GTF2IRD2B: variants seen among roughly 807,000 people sequenced by gnomAD.
GTF2IRD2B encodes the protein general transcription factor II-I repeat domain-containing protein 2B.
A neutral mutation model predicts 55.6 loss-of-function variants in GTF2IRD2B; 10 were observed. That is an observed-to-expected ratio of 0.18 (90% CI 0.11 to 0.31). GTF2IRD2B has a LOEUF of 0.31. Ranked by LOEUF, GTF2IRD2B falls within the 10% of genes least tolerant of loss-of-function variation. The probability of loss-of-function intolerance (pLI) is 1.00; values close to 1 mark genes in which losing one functional copy is unlikely to be tolerated. For synonymous variants in GTF2IRD2B, 107 were observed against 320.5 expected (o/e 0.33, Z 7.12); for missense variants, 206 against 802.7 (o/e 0.26, Z 8.98).
At chr7:75,119,190 T>G (rs1554451660) in intron 3 of GTF2IRD2B, among the ~76,000 whole-genome samples, 1 of 8,810 alleles carries the variant, frequency 1.1e-4, no homozygotes, top group Admixed American at 3.2e-3. Context: ...TAAGACTCTC[T>G]CAAAAAAAAA....
intron 3 of GTF2IRD2B, among the ~76,000 whole-genome samples, chr7:75,114,408 T>G (rs587745115): frequency 2.6e-5 from 4 of 151,292 alleles, no homozygotes; most frequent in Non-Finnish European, 5.9e-5. Context: ...TGTTCTGAAA[T>G]TGGTGTGATA....
At chr7:75,099,750 A>AAATAAATC (rs1807475590) in intron 1 of GTF2IRD2B, among the ~76,000 whole-genome samples, 1 of 138,156 alleles carries the variant, frequency 7.2e-6, no homozygotes, top group South Asian at 2.3e-4. Context: ...ATAAATAAAT[A>AAATAAATC]AATAAATAAA....
intron 8 of GTF2IRD2B, 97 bp downstream of exon 8, chr7:75,126,482 C>G (rs2115791439): frequency 1.7e-6 from 1 of 589,766 alleles, no homozygotes; most frequent in Middle Eastern, 5.2e-4. Flanking sequence ...AGGCGGATCA[C>G]TTGAGGTCAG....
Position 75,101,948 on chromosome 7 carries a change from G to C in GTF2IRD2B, c.-5-7012G>C, listed in dbSNP as rs1345960644. Among the ~76,000 whole-genome samples the C allele has an allele frequency of 3.9e-4, 59 of 150,790 alleles. 1 individual carries two copies. Among genetic ancestry groups the C allele is most frequent in the Non-Finnish European group, 7.7e-4 (52 of 67,672 alleles). The stretch of plus-strand genomic sequence containing the variant: ...AAAAAATAAAGTGTACTGTTCAGTG[G>C]TTTCTTGAAATATATTCACAGAGTT... On this transcript the variant is annotated intron_variant, in intron 1 of 15. Transcript: ENST00000472837.
intron 15 of GTF2IRD2B, chr7:75,146,710 A>G (rs1232549910): frequency 9.8e-6 from 1 of 101,576 alleles, no homozygotes; most frequent in Non-Finnish European, 2.0e-5. Flanking sequence ...AAATGCAAAC[A>G]TATTATCAAA....
intron 1 of GTF2IRD2B, among the ~76,000 whole-genome samples, chr7:75,105,215 A>C (rs1420917062): frequency 1.6e-4 from 24 of 152,282 alleles, no homozygotes; most frequent in East Asian, 1.9e-4. Context: ...ACAAAAAAAA[A>C]ACAACAGACC....
chr7:75,114,321 A>AT (rs1379078199), intron 3 of GTF2IRD2B, among the ~76,000 whole-genome samples: 7 of 151,588 alleles, frequency 4.6e-5, no homozygotes, highest in Admixed American at 3.3e-4. Context: ...TTACTTGTAG[A>AT]TTTTTTTAAG....
intron 9 of GTF2IRD2B, among the ~76,000 whole-genome samples, chr7:75,133,592 G>A (rs1808734750): frequency 6.7e-6 from 1 of 148,386 alleles, no homozygotes; most frequent in South Asian, 2.1e-4. Context: ...GCCCAAGCTG[G>A]AGTTCAGTGG....
intron 8 of GTF2IRD2B, among the ~76,000 whole-genome samples, chr7:75,130,480 A>AT (rs1284639887): frequency 2.1e-5 from 3 of 142,032 alleles, no homozygotes; most frequent in Admixed American, 7.0e-5. Context: ...CACCAGGCCA[A>AT]TTTTTTTTTC....
At chr7:75,134,080 C>CAAAA (rs58338069) in intron 9 of GTF2IRD2B, among the ~76,000 whole-genome samples, 1 of 90,902 alleles carries the variant, frequency 1.1e-5, no homozygotes. Context: ...AGGATTCTTC[C>CAAAA]AAAAAAAAAA....
intron 3 of GTF2IRD2B, among the ~76,000 whole-genome samples, chr7:75,120,054 G>A (rs1554451775): frequency 7.7e-6 from 1 of 129,230 alleles, no homozygotes; most frequent in Non-Finnish European, 1.6e-5. Context: ...GCGTGAACCC[G>A]GGAGGCAGAA....
At chr7:75,097,111 C>T (rs1343230966) in intron 1 of GTF2IRD2B, among the ~76,000 whole-genome samples, 2 of 34,234 alleles carry the variant, frequency 5.8e-5, no homozygotes, top group East Asian at 9.6e-4. Flanking sequence ...TATGATCATG[C>T]CACTACACTC....
chr7:75,103,656 G>A (rs1807656657), intron 1 of GTF2IRD2B, among the ~76,000 whole-genome samples: 2 of 151,742 alleles, frequency 1.3e-5, no homozygotes, highest in East Asian at 3.9e-4. Context: ...AGAGCAGGAA[G>A]CACAGAGAAG....
In GTF2IRD2B at chr7:75,145,590, G is replaced by A. The variant is rs1377201886; in HGVS notation, c.1246+1612G>A. 4.8e-4 allele frequency among the ~76,000 whole-genome samples: 70 copies of A among 147,332 alleles called. 4 individuals carry two copies. Among genetic ancestry groups the A allele is most frequent in the Non-Finnish European group, 8.6e-4 (57 of 66,508 alleles). ...TCTACTAGAAATACAAAAATTAGCC[G>A]GGCATGGTGGCGCGTGCCTATAATC... On this transcript the variant is annotated intron_variant, in intron 15 of 15. Transcript: ENST00000472837.
chr7:75,093,057 G>C (rs1554448677), intron 1 of GTF2IRD2B, among the ~76,000 whole-genome samples: 1 of 152,310 alleles, frequency 6.6e-6, no homozygotes, highest in Non-Finnish European at 1.5e-5. Context: ...GGGGGTGTGC[G>C]TGATGCCACG....
intron 8 of GTF2IRD2B, among the ~76,000 whole-genome samples, chr7:75,127,011 A>G (rs1289120660): frequency 1.1e-5 from 1 of 88,718 alleles, no homozygotes; most frequent in African/African-American, 2.8e-5. Context: ...AAAAACAAAA[A>G]CAAAAACAAA....
chr7:75,101,876 A>G (rs1554449572), intron 1 of GTF2IRD2B, among the ~76,000 whole-genome samples: 3 of 134,462 alleles, frequency 2.2e-5, no homozygotes, highest in Admixed American at 1.6e-4. Flanking sequence ...CCTGGGAGAC[A>G]GAGCAAGACC....
chr7:75,103,977 C>T (rs1478739555), intron 1 of GTF2IRD2B, among the ~76,000 whole-genome samples: 12 of 149,476 alleles, frequency 8.0e-5, no homozygotes, highest in East Asian at 4.0e-4. Context: ...GCTTGCAGTG[C>T]GCAGAGATCA....
intron 4 of GTF2IRD2B, 84 bp downstream of exon 4, chr7:75,121,094 T>C (rs1317968721): frequency 5.4e-6 from 4 of 744,430 alleles, no homozygotes; most frequent in Non-Finnish European, 8.7e-6. Context: ...TAGAGTGCAG[T>C]GGTGCGATCT....
Sources: gnomAD v4.1 joint callset for allele counts (sites outside exome capture counted in the v4.1 genomes callset) on GRCh38, gnomAD v4.1.1 for gene constraint, MANE v1.5 for transcripts, NCBI Gene and HGNC (gene_info 2026-07-23, HGNC 2026-07-21) for gene names.